CFAP97: variants seen among roughly 807,000 people sequenced by gnomAD.
CFAP97 encodes the protein cilia and flagella associated protein 97.
Under a neutral mutation model 43.1 loss-of-function variants are expected in CFAP97, and 36 were observed. That is an observed-to-expected ratio of 0.84 (90% CI 0.64 to 1.10). The LOEUF is 1.10. Among genes scored for constraint, CFAP97 ranks in the 50% least tolerant of loss-of-function variants. The pLI, the probability that CFAP97 is intolerant of heterozygous loss-of-function variation, is 0.00. For missense variants in CFAP97, 657 were observed against 620.3 expected, an observed-to-expected ratio of 1.06 and a Z score of -0.63; for synonymous variants, 228 against 225.7, an observed-to-expected ratio of 1.01 and a Z score of -0.09.
chr4:185,163,935 G>A (rs1734967714), intron 4 of CFAP97, 94 bp downstream of exon 4: 1 of 1,086,092 alleles, frequency 9.2e-7, no homozygotes, highest in Non-Finnish European at 1.3e-6. Flanking sequence ...TTCCAGAGTT[G>A]GCATTTAAAA....
In CFAP97 at chr4:185,190,216, T is replaced by C. The variant is rs1375430454; in HGVS notation, c.981A>G (p.Leu327=). The part of the protein sequence containing the change: ...PDVSSKSSSV[L]DSSLDHRHKQ... ...TATGTCTGTGGTCTAAACTGGAGTCTAACACTGAAGACGACTTTGAGGAGA... is the reference window on the plus strand; with the variant it reads ...TATGTCTGTGGTCTAAACTGGAGTCCAACACTGAAGACGACTTTGAGGAGA... Residue 327 remains leucine (L), a synonymous_variant, in exon 2 of 5, where the codon TTA becomes TTG. Transcript: ENST00000458385. 1.2e-6 allele frequency: 2 copies of C among 1,613,370 alleles called. No homozygotes were observed. Among genetic ancestry groups the C allele is most frequent in the African/African-American group, 2.7e-5 (2 of 74,914 alleles).
At chr4:185,192,118 C>T (rs1403488327) in intron 1 of CFAP97, among the ~76,000 whole-genome samples, 2 of 152,184 alleles carry the variant, frequency 1.3e-5, no homozygotes, top group Non-Finnish European at 2.9e-5. Flanking sequence ...AAGGAAGAAG[C>T]AGAGACAAGG....
At chr4:185,207,210 CTTTTTTTTT>C (rs34373262), upstream of CFAP97, among the ~76,000 whole-genome samples, 6 of 76,850 alleles carry the variant, frequency 7.8e-5, no homozygotes, top group Admixed American at 1.8e-4. Context: ...ACCAGTCACA[CTTTTTTTTT>C]TTTTTTTTTT....
chr4:185,210,181 C>G, upstream of CFAP97: 8 of 984,966 alleles, frequency 8.1e-6, no homozygotes, highest in Non-Finnish European at 9.6e-6. This position sits in a 1 kb window ranked among gnomAD's most constrained non-coding sequence, Gnocchi z 4.4. Flanking sequence ...CCGGAGCCCG[C>G]GCGCCCAGCC....
intron 1 of CFAP97, among the ~76,000 whole-genome samples, chr4:185,192,626 T>C (rs1225189468): frequency 6.6e-6 from 1 of 152,032 alleles, no homozygotes; most frequent in African/African-American, 2.4e-5. Flanking sequence ...AATGGTTTTT[T>C]TTATCTGTTT....
At chr4:185,195,723 G>A (rs142599894) in intron 1 of CFAP97, among the ~76,000 whole-genome samples, 2 of 152,112 alleles carry the variant, frequency 1.3e-5, no homozygotes, top group Admixed American at 6.6e-5. Context: ...CATCACAAAC[G>A]TAAAGACTAT....
intron 2 of CFAP97, chr4:185,182,330 T>G (rs1735825577): frequency 6.6e-6 from 1 of 152,082 alleles, no homozygotes; most frequent in South Asian, 2.1e-4. Flanking sequence ...AGGATCTAAT[T>G]CCAACCATTT....
At chr4:185,176,848 T>C (rs2111347060) in intron 2 of CFAP97, among the ~76,000 whole-genome samples, 1 of 152,282 alleles carries the variant, frequency 6.6e-6, no homozygotes. Flanking sequence ...AACTCTCAAC[T>C]TAACCAGAAA....
intron 2 of CFAP97, among the ~76,000 whole-genome samples, chr4:185,183,359 C>A (rs538907131): frequency 6.6e-6 from 1 of 152,194 alleles, no homozygotes; most frequent in Non-Finnish European, 1.5e-5. Flanking sequence ...GTTGTCTTCA[C>A]CATCATCCTC....
chr4:185,191,837 CAAACAA>C (rs144847263), intron 1 of CFAP97, among the ~76,000 whole-genome samples: 5,316 of 151,830 alleles, frequency 0.035, 293 homozygotes, highest in African/African-American at 0.12. Context: ...TCAACAACAA[CAAACAA>C]AAACAAAAAC....
At chr4:185,176,361 C>T (rs1030344340) in intron 2 of CFAP97, among the ~76,000 whole-genome samples, 1 of 152,112 alleles carries the variant, frequency 6.6e-6, no homozygotes, top group Non-Finnish European at 1.5e-5. Context: ...GATCCACCCA[C>T]CTCAGCCTCC....
chr4:185,197,606 T>C (rs1280652285), intron 1 of CFAP97, among the ~76,000 whole-genome samples: 3 of 151,974 alleles, frequency 2.0e-5, no homozygotes, highest in African/African-American at 7.3e-5. Context: ...TTTTGTATTT[T>C]TAGTAGAGAT....
At chr4:185,196,934 T>C (rs1172989200) in intron 1 of CFAP97, among the ~76,000 whole-genome samples, 2 of 151,684 alleles carry the variant, frequency 1.3e-5, no homozygotes, top group Non-Finnish European at 2.9e-5. Context: ...ACCTTATCTT[T>C]ACAAAAATAC....
chr4:185,171,576 AAT>A (rs1468419917), intron 3 of CFAP97, among the ~76,000 whole-genome samples: 4 of 152,226 alleles, frequency 2.6e-5, no homozygotes, highest in Non-Finnish European at 5.9e-5. Context: ...AAAAGAATGA[AAT>A]AATCTCACTT....
intron 1 of CFAP97, among the ~76,000 whole-genome samples, chr4:185,196,000 TAAG>T (rs1736521011): frequency 6.6e-6 from 1 of 152,218 alleles, no homozygotes; most frequent in South Asian, 2.1e-4. Context: ...GTTGTGTGGT[TAAG>T]AATATCTTTG....
chr4:185,162,714 A>T lies in CFAP97; in HGVS notation c.*84T>A. On this transcript the variant is annotated 3_prime_UTR_variant, in exon 5 of 5. Coordinates refer to ENST00000458385, the MANE Select transcript of CFAP97 (RefSeq NM_020827.3). Reference sequence around the variant, plus strand: ...CCTTCAATTGCTAAAACGGTATTCTAGATGTTTACACAGAGAATTATAGGA... The same window carrying T: ...CCTTCAATTGCTAAAACGGTATTCTTGATGTTTACACAGAGAATTATAGGA... 1 of 1,401,068 alleles carries T rather than the reference A, an allele frequency of 7.1e-7. No homozygotes were observed. The highest frequency in any genetic ancestry group is 9.9e-7 in the Non-Finnish European group (1 of 1,009,520). 86.8% of individuals were successfully genotyped at this position (1,401,068 alleles called of 1,614,324 possible). A position where few individuals can be genotyped will look rare whatever the true frequency, so the allele number is the denominator to read the frequency against.
At position 185,190,707 on chromosome 4, in the gene CFAP97, T is replaced by C. The variant is rs767929030; in HGVS notation, c.490A>G (p.Lys164Glu). The C allele has an allele frequency of 1.5e-5, 24 of 1,570,248 alleles. No individual in the cohort carries two copies. The South Asian group carries it at 2.7e-4, about 17-fold the overall frequency. Residue 164 changes from lysine to glutamate, a missense_variant, in exon 2 of 5, where the codon AAA becomes GAA. Physicochemically the swap from Lys to Glu is moderately conservative, Grantham distance 56. Coordinates refer to ENST00000458385, the MANE Select transcript of CFAP97 (RefSeq NM_020827.3). ...PSTNVKKSIR[K>E]KYCKVSSSSS... ...GAGGAGCTAACTTTGCAATACTTTT[T>C]CCTTATGCTTTTTTTAACGTTAGTA...
intron 1 of CFAP97, among the ~76,000 whole-genome samples, chr4:185,195,203 A>G (rs1337332018): frequency 6.6e-6 from 1 of 152,238 alleles, no homozygotes; most frequent in Non-Finnish European, 1.5e-5. Flanking sequence ...TTTAAAAAGC[A>G]ACGAGGCTGG....
chr4:185,163,854 A>C (rs575456179), intron 4 of CFAP97, among the ~76,000 whole-genome samples, 175 bp downstream of exon 4: 1 of 152,304 alleles, frequency 6.6e-6, no homozygotes, highest in East Asian at 1.9e-4. Context: ...TATATGCTGT[A>C]AATGAAACCT....
Sources: gnomAD v4.1 joint callset for allele counts (sites outside exome capture counted in the v4.1 genomes callset) on GRCh38, gnomAD v4.1.1 for gene constraint, Gnocchi (gnomAD v3.1) non-coding constraint, MANE v1.5 for transcripts, NCBI Gene and HGNC (gene_info 2026-07-23, HGNC 2026-07-21) for gene names.